The following PERP variants were observed in gnomAD, a reference collection of about 807,000 sequenced individuals.
PERP encodes p53 apoptosis effector related to PMP-22.
In PERP, 11 loss-of-function variants were observed where a neutral mutation model predicts 20.3. That is an observed-to-expected ratio of 0.54 (90% CI 0.34 to 0.90). The LOEUF (loss-of-function observed/expected upper bound fraction) is 0.90. Ranked by LOEUF, PERP falls within the 40% of genes least tolerant of loss-of-function variation. The pLI is 0.02. For synonymous variants in PERP, 101 were observed against 102.0 expected, an observed-to-expected ratio of 0.99 and a Z score of 0.06; for missense variants, 224 against 249.4, an observed-to-expected ratio of 0.90 and a Z score of 0.69.
intron 2 of PERP, among the ~76,000 whole-genome samples, chr6:138,094,906 A>T (rs913942418): frequency 6.6e-6 from 1 of 152,022 alleles, no homozygotes; most frequent in Non-Finnish European, 1.5e-5. Context: ...TTTTTAGTAG[A>T]GATGGGGTTT....
intron 1 of PERP, among the ~76,000 whole-genome samples, chr6:138,106,755 CGAG>C (rs1038588916): frequency 6.6e-6 from 1 of 151,864 alleles, no homozygotes; most frequent in Non-Finnish European, 1.5e-5. Context: ...TAAGAAGAAA[CGAG>C]AAGGAAGAGA....
At chr6:138,105,608 C>T (rs1775829592) in intron 1 of PERP, among the ~76,000 whole-genome samples, 1 of 152,208 alleles carries the variant, frequency 6.6e-6, no homozygotes, top group Non-Finnish European at 1.5e-5. Context: ...CTGCCAATAT[C>T]CCCGCCACCA....
chr6:138,091,860 A>T lies in PERP; in HGVS notation c.*182T>A, dbSNP rs1396535802. 1 of 572,092 alleles carries T rather than the reference A, an allele frequency of 1.7e-6. No individual in the cohort carries two copies. The highest frequency in any genetic ancestry group is 2.9e-5 in the East Asian group (1 of 34,040). 35.4% of individuals were successfully genotyped at this position (572,092 alleles called of 1,614,324 possible). On this transcript the variant is annotated 3_prime_UTR_variant, in exon 3 of 3. Coordinates refer to ENST00000421351, the MANE Select transcript of PERP (RefSeq NM_022121.5). Reference sequence around the variant, plus strand: ...ACACAACTTCACAAAACATAATAAAAGATAAACATGAAACTATAACACTAC... The same window carrying T: ...ACACAACTTCACAAAACATAATAAATGATAAACATGAAACTATAACACTAC...
rs1775581711 is a variant in PERP, at chr6:138,091,507, T to A, written c.*535A>T. ...ATGATTCAGGATATTAATGAGAAAT[T>A]CTCACAAATGATATGCATTTAGGAA... On this transcript the variant is annotated 3_prime_UTR_variant, in exon 3 of 3. Coordinates refer to ENST00000421351, the MANE Select transcript of PERP (RefSeq NM_022121.5). The A allele has an allele frequency of 6.6e-6, 1 of 152,528 alleles. No homozygotes were observed. Among genetic ancestry groups the A allele is most frequent in the Admixed American group, 6.5e-5 (1 of 15,322 alleles). 9.4% of individuals were successfully genotyped at this position (152,528 alleles called of 1,614,324 possible). A position where few individuals can be genotyped will look rare whatever the true frequency, so the allele number is the denominator to read the frequency against.
At chr6:138,101,284 C>A (rs568340958) in intron 1 of PERP, among the ~76,000 whole-genome samples, 1 of 152,188 alleles carries the variant, frequency 6.6e-6, no homozygotes, top group Non-Finnish European at 1.5e-5. Context: ...GCATGAGAAT[C>A]GCTTGCACCT....
intron 1 of PERP, among the ~76,000 whole-genome samples, chr6:138,099,479 T>C (rs1205613422): frequency 1.3e-5 from 2 of 152,222 alleles, no homozygotes; most frequent in Admixed American, 1.3e-4. Context: ...TATATATGCA[T>C]GTAAAAGAAC....
chr6:138,102,218 A>G (rs1054292569), intron 1 of PERP, among the ~76,000 whole-genome samples: 1 of 152,238 alleles, frequency 6.6e-6, no homozygotes, highest in Non-Finnish European at 1.5e-5. Context: ...AACCCTTAAT[A>G]ACCTTCTTTT....
At position 138,088,578 on chromosome 6, in the gene PERP, C is replaced by A. The variant is rs1223034768; in HGVS notation, c.*3464G>T. 1 of 152,168 alleles carries A rather than the reference C, an allele frequency of 6.6e-6. No individual in the cohort carries two copies. Among genetic ancestry groups the A allele is most frequent in the East Asian group, 1.9e-4 (1 of 5,182 alleles). 9.4% of individuals were successfully genotyped at this position (152,168 alleles called of 1,614,324 possible). A position where few individuals can be genotyped will look rare whatever the true frequency, so the allele number is the denominator to read the frequency against. ...GTTAACAACGAAGCACAGGATAGTA[C>A]AAGTGGAAGATCATTAACATGACTG... is the stretch of plus-strand genomic sequence containing the variant. On this transcript the variant is annotated 3_prime_UTR_variant, in exon 3 of 3. Coordinates refer to ENST00000421351, the MANE Select transcript of PERP (RefSeq NM_022121.5).
intron 1 of PERP, among the ~76,000 whole-genome samples, chr6:138,105,188 C>T (rs1296170551): frequency 6.6e-6 from 1 of 152,158 alleles, no homozygotes; most frequent in Non-Finnish European, 1.5e-5. Context: ...GCAGGAATAA[C>T]TAAACTGAGT....
Position 138,107,103 on chromosome 6 carries a change from A to ACGGCGG in PERP, c.214+18_214+23dup. ...CCCCGAGGGCTTCCTGGAGGCGGCG[A>ACGGCGG]CGGCGGCGGCGGCGGGCACTCACCG... On this transcript the variant is annotated intron_variant, in intron 1 of 2. Coordinates refer to ENST00000421351, the MANE Select transcript of PERP (RefSeq NM_022121.5). The surrounding 1 kb of genome is among the most constrained non-coding windows in gnomAD (Gnocchi z 4.8). The ACGGCGG allele has an allele frequency of 6.4e-7, 1 of 1,572,614 alleles. No individual in the cohort carries two copies. The highest frequency in any genetic ancestry group is 8.6e-7 in the Non-Finnish European group (1 of 1,160,190).
At chr6:138,096,292 A>C (rs1775690298) in intron 2 of PERP, 62 bp downstream of exon 2, 1 of 1,577,038 alleles carries the variant, frequency 6.3e-7, no homozygotes, top group Admixed American at 1.8e-5. Flanking sequence ...TGTGGAATTG[A>C]CCATTACTAA....
intron 1 of PERP, among the ~76,000 whole-genome samples, chr6:138,103,088 G>A (rs2114343653): frequency 7.5e-6 from 1 of 132,808 alleles, no homozygotes; most frequent in South Asian, 2.8e-4. Context: ...GACAGACCGA[G>A]ACTCCGTCTC....
intron 1 of PERP, among the ~76,000 whole-genome samples, chr6:138,098,350 C>T (rs1181439347): frequency 6.6e-6 from 1 of 152,128 alleles, no homozygotes; most frequent in Non-Finnish European, 1.5e-5. Context: ...GGTGTTGGAG[C>T]TGCTGGACCT....
Position 138,107,175 on chromosome 6 carries a change from C to A in PERP, c.166G>T (p.Gly56Cys), listed in dbSNP as rs781226911. ...CCCTCCTCGTAGGACCCGCTGCCGCCGCCCTCTTGGGAGCATTTCCACCAC... is the reference window on the plus strand; with the variant it reads ...CCCTCCTCGTAGGACCCGCTGCCGCAGCCCTCTTGGGAGCATTTCCACCAC... ...SLWWKCSQEG[G>C]GSGSYEEGCQ... The change falls in exon 1 of 3, where the codon GGC becomes TGC. Residue 56 changes from glycine to cysteine, a missense_variant. Coordinates refer to ENST00000421351, the MANE Select transcript of PERP (RefSeq NM_022121.5). This position sits in a 1 kb window ranked among gnomAD's most constrained non-coding sequence, Gnocchi z 4.8. 1.2e-6 allele frequency: 2 copies of A among 1,611,548 alleles called. No homozygotes were observed. Among genetic ancestry groups the A allele is most frequent in the Non-Finnish European group, 8.5e-7 (1 of 1,179,348 alleles).
At chr6:138,102,825 C>A (rs921705608) in intron 1 of PERP, among the ~76,000 whole-genome samples, 6 of 151,924 alleles carry the variant, frequency 3.9e-5, no homozygotes, top group African/African-American at 1.5e-4. Context: ...TGCGGCCAGG[C>A]GCGGTGGCTC....
At chr6:138,102,664 G>A (rs1775791278) in intron 1 of PERP, among the ~76,000 whole-genome samples, 1 of 152,136 alleles carries the variant, frequency 6.6e-6, no homozygotes, top group Non-Finnish European at 1.5e-5. Flanking sequence ...GGAATGAATG[G>A]CCTGGACTAG....
At chr6:138,095,235 C>G (rs1357923938) in intron 2 of PERP, among the ~76,000 whole-genome samples, 1 of 152,158 alleles carries the variant, frequency 6.6e-6, no homozygotes, top group Non-Finnish European at 1.5e-5. Context: ...ATTCAAAAAG[C>G]AAACTTTGAA....
chr6:138,093,424 G>C (rs1775620624), intron 2 of PERP, among the ~76,000 whole-genome samples: 1 of 150,534 alleles, frequency 6.6e-6, no homozygotes, highest in South Asian at 2.1e-4. Flanking sequence ...AGATGTTTCT[G>C]TGTCTTCATT....
chr6:138,103,433 T>G (rs1775802980), intron 1 of PERP, among the ~76,000 whole-genome samples: 1 of 152,110 alleles, frequency 6.6e-6, no homozygotes. Context: ...ATTATAGGCG[T>G]GAGCCACCAC....
Sources: allele counts gnomAD v4.1 joint callset (sites outside exome capture counted in the v4.1 genomes callset), GRCh38; gene constraint gnomAD v4.1.1; non-coding constraint Gnocchi (gnomAD v3.1); transcripts MANE v1.5; gene names NCBI Gene and HGNC (gene_info 2026-07-23, HGNC 2026-07-21).